RNF43: variants seen among roughly 807,000 people sequenced by gnomAD.
RNF43 encodes the protein ring finger protein 43, also known as E3 ubiquitin-protein ligase RNF43.
A neutral mutation model predicts 78.4 loss-of-function variants in RNF43; 37 were observed. The ratio of observed to expected loss-of-function variants is 0.47; its 90% confidence interval spans 0.36 to 0.62. The LOEUF is 0.62. RNF43 is among the 20% of genes least tolerant of loss of function. The pLI is 0.00. For synonymous variants in RNF43, 347 were observed against 395.0 expected (o/e 0.88, Z 1.44); for missense variants, 774 against 1,007.9 (o/e 0.77, Z 3.14).
rs1972633371 is a variant in RNF43, at chr17:58,354,118, C to T, written c.*825G>A. The T allele has an allele frequency of 2.0e-5, 4 of 199,076 alleles. No individual in the cohort carries two copies. In the East Asian group the frequency reaches 3.1e-4, roughly 16 times the overall value. 12.3% of individuals were successfully genotyped at this position (199,076 alleles called of 1,614,324 possible). On this transcript the variant is annotated 3_prime_UTR_variant, in exon 10 of 10. Coordinates refer to ENST00000407977, the MANE Select transcript of RNF43 (RefSeq NM_017763.6). ...AGACAAAACTTTTCCCAGAGAAGAA[C>T]TCTTTGTTGTCCCCGCTCAGCTGTA...
chr17:58,412,825 T>G (rs1011614176), intron 2 of RNF43, among the ~76,000 whole-genome samples: 13 of 151,978 alleles, frequency 8.6e-5, no homozygotes, highest in African/African-American at 2.9e-4. Flanking sequence ...CAACATGGTT[T>G]TTTTTTTTTT....
chr17:58,359,356 G>T (rs1187351155), intron 8 of RNF43, among the ~76,000 whole-genome samples: 1 of 152,050 alleles, frequency 6.6e-6, no homozygotes, highest in East Asian at 1.9e-4. Context: ...CCAGCACTTG[G>T]GAGGACAAGG....
intron 2 of RNF43, among the ~76,000 whole-genome samples, chr17:58,413,417 T>A (rs2143687392): frequency 6.6e-6 from 1 of 152,170 alleles, no homozygotes; most frequent in South Asian, 2.1e-4. Context: ...GTGAAAAAAC[T>A]TATTTAAAGA....
At position 58,354,766 on chromosome 17, in the gene RNF43, G is replaced by C. The variant is rs1244244998; in HGVS notation, c.*177C>G. 13 of 641,688 alleles carry C rather than the reference G, an allele frequency of 2.0e-5. No homozygotes were observed. Among genetic ancestry groups the C allele is most frequent in the Non-Finnish European group, 5.7e-6 (2 of 353,540 alleles). 39.7% of individuals were successfully genotyped at this position (641,688 alleles called of 1,614,324 possible). A position where few individuals can be genotyped will look rare whatever the true frequency, so the allele number is the denominator to read the frequency against. ...CAGACAAGGTCTGGAGCTGGAGCAG[G>C]AAACGGCACCCTCTCACCCTCCACC... On this transcript the variant is annotated 3_prime_UTR_variant, in exon 10 of 10. Coordinates refer to ENST00000407977, the MANE Select transcript of RNF43 (RefSeq NM_017763.6).
chr17:58,400,085 C>T (rs1002465304), intron 2 of RNF43, among the ~76,000 whole-genome samples: 2 of 152,134 alleles, frequency 1.3e-5, no homozygotes, highest in Admixed American at 6.5e-5. Flanking sequence ...CCTCATTGAT[C>T]ATGGAAGGAA....
intron 2 of RNF43, among the ~76,000 whole-genome samples, chr17:58,384,698 C>T (rs1343600719): frequency 6.6e-6 from 1 of 152,144 alleles, no homozygotes; most frequent in Non-Finnish European, 1.5e-5. Context: ...GGAGACTTGA[C>T]AGACCACAGG....
At chr17:58,365,747 T>C (rs952713292) in intron 3 of RNF43, among the ~76,000 whole-genome samples, 2 of 152,004 alleles carry the variant, frequency 1.3e-5, no homozygotes, top group African/African-American at 2.4e-5. Context: ...AAAAAGTACT[T>C]ATTTGGGTAC....
chr17:58,407,270 T>C (rs1233390073), intron 2 of RNF43, among the ~76,000 whole-genome samples: 1 of 151,908 alleles, frequency 6.6e-6, no homozygotes, highest in Non-Finnish European at 1.5e-5. Context: ...GGTAGAGACA[T>C]GGTTTCACCA....
At chr17:58,406,891 T>C (rs900034369) in intron 2 of RNF43, among the ~76,000 whole-genome samples, 3 of 151,940 alleles carry the variant, frequency 2.0e-5, no homozygotes, top group African/African-American at 7.2e-5. Context: ...AATACCTTTT[T>C]GATATACTAG....
chr17:58,376,378 AT>A (rs948367304), intron 2 of RNF43, among the ~76,000 whole-genome samples: 13 of 151,986 alleles, frequency 8.6e-5, no homozygotes, highest in African/African-American at 1.7e-4. Context: ...GATAAAAAAA[AT>A]AAATAAATAA....
At chr17:58,386,844 G>A (rs1318892982) in intron 2 of RNF43, among the ~76,000 whole-genome samples, 4 of 151,760 alleles carry the variant, frequency 2.6e-5, no homozygotes, top group African/African-American at 9.7e-5. Context: ...ACAGAGATGG[G>A]GTCTTGCTAT....
At chr17:58,393,739 T>C (rs1373024635) in intron 2 of RNF43, among the ~76,000 whole-genome samples, 3 of 152,196 alleles carry the variant, frequency 2.0e-5, no homozygotes, top group South Asian at 4.1e-4. Flanking sequence ...TGCATTTTAC[T>C]TGGGCAGTGC....
intron 2 of RNF43, among the ~76,000 whole-genome samples, chr17:58,378,500 TC>T (rs1031658897): frequency 6.6e-6 from 1 of 152,204 alleles, no homozygotes; most frequent in Non-Finnish European, 1.5e-5. Flanking sequence ...CAAGTGATCC[TC>T]CTGCCTAGGC....
chr17:58,363,715 T>A, intron 3 of RNF43, 115 bp from the exon 4 acceptor site: 1 of 828,860 alleles, frequency 1.2e-6, no homozygotes, highest in Non-Finnish European at 1.9e-6. Flanking sequence ...CCACAGCACA[T>A]CTTTGCACAC....
chr17:58,363,720 G>T, intron 3 of RNF43, 120 bp from the exon 4 acceptor site: 1 of 797,666 alleles, frequency 1.3e-6, no homozygotes, highest in Non-Finnish European at 2.0e-6. Context: ...GCACATCTTT[G>T]CACACTCACA....
chr17:58,408,186 AT>A (rs1448984273), intron 2 of RNF43, among the ~76,000 whole-genome samples: 1 of 152,252 alleles, frequency 6.6e-6, no homozygotes, highest in Non-Finnish European at 1.5e-5. Context: ...TCTTGAAATA[AT>A]TGGGATTATG....
At chr17:58,372,219 G>T (rs903020378) in intron 2 of RNF43, among the ~76,000 whole-genome samples, 1 of 152,200 alleles carries the variant, frequency 6.6e-6, no homozygotes, top group South Asian at 2.1e-4. Flanking sequence ...CTTTCTGAAA[G>T]CTCTTTCAGG....
In RNF43 at chr17:58,416,062, G is replaced by T. The variant is rs114769094; in HGVS notation, c.-385-100C>A. 444 of 185,972 alleles carry T rather than the reference G, an allele frequency of 2.4e-3. 3 individuals carry two copies. Among genetic ancestry groups the T allele is most frequent in the African/African-American group, 0.01 (426 of 42,600 alleles). 11.5% of individuals were successfully genotyped at this position (185,972 alleles called of 1,614,324 possible). A position where few individuals can be genotyped will look rare whatever the true frequency, so the allele number is the denominator to read the frequency against. On this transcript the variant is annotated intron_variant, in intron 1 of 9. Coordinates refer to ENST00000407977, the MANE Select transcript of RNF43 (RefSeq NM_017763.6). ...ACTCCAGCTCAGAAAAGGAAGGGAT[G>T]GCCCTTTTTAAGCCATAATATGTGT...
At chr17:58,369,462 G>A (rs1026227904) in intron 3 of RNF43, among the ~76,000 whole-genome samples, 7 of 152,222 alleles carry the variant, frequency 4.6e-5, no homozygotes, top group South Asian at 2.1e-4. Context: ...CCAGGAGAAC[G>A]AGGATATCCA....
Sources: gnomAD v4.1 joint callset for allele counts (sites outside exome capture counted in the v4.1 genomes callset) on GRCh38, gnomAD v4.1.1 for gene constraint, MANE v1.5 for transcripts, NCBI Gene and HGNC (gene_info 2026-07-23, HGNC 2026-07-21) for gene names.